Variants in DACH2 observed in about 807,000 individuals in gnomAD.
The protein encoded by DACH2 is dachshund homolog 2.
A neutral mutation model predicts 35.8 loss-of-function variants in DACH2; 17 were observed. The ratio of observed to expected loss-of-function variants is 0.48; its 90% CI spans 0.33 to 0.71. The LOEUF (loss-of-function observed/expected upper bound fraction) is 0.71. DACH2 is among the 30% of genes least tolerant of loss of function. DACH2 has a pLI of 0.02. For missense variants in DACH2, 469 were observed against 472.7 expected, an observed-to-expected ratio of 0.99 and a Z score of 0.07; for synonymous variants, 195 against 177.3, an observed-to-expected ratio of 1.10 and a Z score of -0.79.
intron 7 of DACH2, among the ~76,000 whole-genome samples, chrX:86,744,696 GAT>G (rs1223423667): frequency 9.0e-6 from 1 of 111,506 alleles, no homozygotes; most frequent in African/African-American, 3.2e-5. Context: ...TCACGGCATT[GAT>G]ATCCATTTTG....
chrX:86,563,406 C>G (rs1483501740), intron 3 of DACH2, among the ~76,000 whole-genome samples: 1 of 110,451 alleles, frequency 9.1e-6, no homozygotes, highest in African/African-American at 3.3e-5. Flanking sequence ...GATAGTTCCA[C>G]TAGTTGTAAT....
At chrX:86,812,600 T>A (rs942626721) in intron 7 of DACH2, among the ~76,000 whole-genome samples, 1 of 111,801 alleles carries the variant, frequency 8.9e-6, no homozygotes, top group East Asian at 2.8e-4. Context: ...TTGTCAATTG[T>A]ATGTATCTTA....
chrX:86,167,424 G>T (rs1207078231), intron 1 of DACH2, among the ~76,000 whole-genome samples: 1 of 108,161 alleles, frequency 9.2e-6, no homozygotes, highest in Non-Finnish European at 1.9e-5. Context: ...ATTGCTAATT[G>T]TATTTATTGG....
intron 2 of DACH2, among the ~76,000 whole-genome samples, chrX:86,451,081 A>G (rs946608515): frequency 9.0e-6 from 1 of 111,217 alleles, no homozygotes; most frequent in African/African-American, 3.3e-5. Context: ...ATTAGATCCA[A>G]TTTGTCAAAT....
intron 1 of DACH2, among the ~76,000 whole-genome samples, chrX:86,336,850 A>G (rs2035320758): frequency 9.1e-6 from 1 of 109,478 alleles, no homozygotes; most frequent in Admixed American, 9.9e-5. Flanking sequence ...ACCAATTGCT[A>G]ACTAGAATAA....
chrX:86,243,025 G>A (rs1032992516), intron 1 of DACH2, among the ~76,000 whole-genome samples: 1 of 111,617 alleles, frequency 9.0e-6, no homozygotes, highest in African/African-American at 3.3e-5. Flanking sequence ...TTATTACAGT[G>A]TGAGAATGGA....
intron 2 of DACH2, among the ~76,000 whole-genome samples, chrX:86,477,353 T>TAG (rs2037860867): frequency 2.0e-5 from 2 of 101,638 alleles, no homozygotes; most frequent in African/African-American, 7.1e-5. Context: ...TATATATATA[T>TAG]ATATATATAT....
chrX:86,778,460 A>G (rs922821562), intron 7 of DACH2, among the ~76,000 whole-genome samples: 1 of 111,810 alleles, frequency 8.9e-6, no homozygotes, highest in Non-Finnish European at 1.9e-5. Context: ...AAACACATGC[A>G]ATGTTAGGTA....
chrX:86,178,281 C>A (rs1033129611), intron 1 of DACH2, among the ~76,000 whole-genome samples: 2 of 111,428 alleles, frequency 1.8e-5, no homozygotes, highest in African/African-American at 6.5e-5. Context: ...TGGTTGATCC[C>A]TTGCTTCTGT....
At chrX:86,755,490 G>A (rs1349018441) in intron 7 of DACH2, among the ~76,000 whole-genome samples, 3 of 109,799 alleles carry the variant, frequency 2.7e-5, no homozygotes, top group Non-Finnish European at 3.8e-5. Context: ...CCATAAAATC[G>A]TTGCCTAAAT....
At position 86,396,535 on chromosome X, in the gene DACH2, G is replaced by A. The variant is rs1299119658; in HGVS notation, c.527+19673G>A. On this transcript the variant is annotated intron_variant, in intron 2 of 11. Transcript: ENST00000373125. ...TTATGGTTTTAGGTCTAACATTTAA[G>A]TCTTTAATCCATCTTGAATTAATTT... Among the ~76,000 whole-genome samples the A allele has an allele frequency of 1.7e-3, 171 of 103,185 alleles. 1 individual carries two copies. The highest frequency in any genetic ancestry group is 5.8e-3 in the African/African-American group (161 of 27,892). The allele number at this position is 103,185 out of a possible 115,157, so 89.6% of individuals were successfully genotyped here. A position where few individuals can be genotyped will look rare whatever the true frequency, so the allele number is the denominator to read the frequency against.
At chrX:86,416,084 G>A (rs1320334637) in intron 2 of DACH2, among the ~76,000 whole-genome samples, 2 of 112,078 alleles carry the variant, frequency 1.8e-5, no homozygotes, top group African/African-American at 6.5e-5. Flanking sequence ...CTGGGAATTG[G>A]AGAAAAATCA....
chrX:86,278,716 G>A (rs2033965574), intron 1 of DACH2, among the ~76,000 whole-genome samples: 1 of 111,647 alleles, frequency 9.0e-6, no homozygotes. Flanking sequence ...CTGGAAAAGG[G>A]GATGAAGCCA....
chrX:86,551,721 C>A (rs1158918350), intron 3 of DACH2, among the ~76,000 whole-genome samples: 2 of 111,895 alleles, frequency 1.8e-5, no homozygotes, highest in African/African-American at 6.5e-5. Context: ...TTTCTTTTCA[C>A]CTCAACATGC....
At chrX:86,232,119 A>G (rs2032961434) in intron 1 of DACH2, among the ~76,000 whole-genome samples, 1 of 111,618 alleles carries the variant, frequency 9.0e-6, no homozygotes, top group Admixed American at 9.5e-5. Flanking sequence ...GGGCATGTTG[A>G]CTCTAGATGA....
intron 7 of DACH2, among the ~76,000 whole-genome samples, chrX:86,749,846 G>A (rs1405810684): frequency 1.8e-5 from 2 of 111,460 alleles, no homozygotes; most frequent in Non-Finnish European, 3.8e-5. Flanking sequence ...ATTTATAAGT[G>A]AAATTGTTTT....
intron 1 of DACH2, among the ~76,000 whole-genome samples, chrX:86,330,478 A>T (rs1336048939): frequency 1.8e-5 from 2 of 111,870 alleles, no homozygotes; most frequent in Non-Finnish European, 3.8e-5. Flanking sequence ...TCAGCTTTCT[A>T]CTCATCAATT....
intron 2 of DACH2, among the ~76,000 whole-genome samples, chrX:86,438,368 C>T (rs2037104501): frequency 9.1e-6 from 1 of 109,516 alleles, no homozygotes; most frequent in Admixed American, 9.8e-5. Flanking sequence ...GGATTACAGG[C>T]CCCTGCCATC....
intron 2 of DACH2, among the ~76,000 whole-genome samples, chrX:86,479,934 C>T (rs868299906): frequency 2.0e-4 from 23 of 112,673 alleles, no homozygotes; most frequent in African/African-American, 6.8e-4. Context: ...CATTCTTGTT[C>T]TGAAAGGCCA....
Sources: gnomAD v4.1 joint callset for allele counts (sites outside exome capture counted in the v4.1 genomes callset) on GRCh38, gnomAD v4.1.1 for gene constraint, MANE v1.5 for transcripts, NCBI Gene and HGNC (gene_info 2026-07-23, HGNC 2026-07-21) for gene names.